Variants in PTPRG observed in about 807,000 individuals in gnomAD.
PTPRG encodes receptor-type tyrosine-protein phosphatase gamma.
Under a neutral mutation model 165.3 loss-of-function variants are expected in PTPRG, and 102 were observed. That is an observed-to-expected ratio of 0.62 (90% CI 0.53 to 0.73). PTPRG has a LOEUF of 0.73. Among genes scored for constraint, PTPRG ranks in the 30% least tolerant of loss-of-function variants. The probability of loss-of-function intolerance (pLI) is 0.00; values close to 1 mark genes in which losing one functional copy is unlikely to be tolerated. For missense variants in PTPRG, 1,866 were observed against 1,861.4 expected (o/e 1.00, Z -0.05); for synonymous variants, 675 against 669.5 (o/e 1.01, Z -0.13).
chr3:62,112,529 A>T (rs1702708556), intron 5 of PTPRG, among the ~76,000 whole-genome samples: 1 of 152,268 alleles, frequency 6.6e-6, no homozygotes, highest in African/African-American at 2.4e-5. Flanking sequence ...GATAAAGAGA[A>T]ATAATGAATG....
At chr3:61,762,587 G>C (rs541547171) in intron 2 of PTPRG, among the ~76,000 whole-genome samples, 1 of 152,262 alleles carries the variant, frequency 6.6e-6, no homozygotes, top group African/African-American at 2.4e-5. Context: ...CTCCAGCCTG[G>C]GCAGCAGAAC....
chr3:61,572,430 C>G (rs1202563633), intron 1 of PTPRG, among the ~76,000 whole-genome samples: 1 of 151,994 alleles, frequency 6.6e-6, no homozygotes, highest in Non-Finnish European at 1.5e-5. Context: ...CGTTCTGGAT[C>G]TTGTGTCTGG....
chr3:61,951,010 T>C (rs1326682081), intron 2 of PTPRG, among the ~76,000 whole-genome samples: 3 of 152,226 alleles, frequency 2.0e-5, no homozygotes, highest in Non-Finnish European at 4.4e-5. Context: ...TGTGGAATTT[T>C]CATTGCAGGA....
chr3:62,244,637 G>C (rs1701249986), intron 15 of PTPRG, among the ~76,000 whole-genome samples: 1 of 152,044 alleles, frequency 6.6e-6, no homozygotes, highest in Non-Finnish European at 1.5e-5. Context: ...TGATTATAAT[G>C]CCACCCCTCC....
rs1166824597 is a variant in PTPRG at position 62,210,577 on chromosome 3, C to G, written c.2155+6627C>G. On this transcript the variant is annotated intron_variant, in intron 12 of 29. Transcript: ENST00000474889. The surrounding 1 kb of genome is among the most constrained non-coding windows in gnomAD (Gnocchi z 4.1). ...TAGCAGTTCTACTTCTGGGTATACA[C>G]TTGACCCTTGAAAAACAGTCTTGAA... Among the ~76,000 whole-genome samples the G allele has an allele frequency of 6.6e-6, 1 of 152,146 alleles. No homozygotes were observed. The highest frequency in any genetic ancestry group is 2.4e-5 in the African/African-American group (1 of 41,426).
chr3:62,171,562 A>T (rs1290038467), intron 8 of PTPRG, among the ~76,000 whole-genome samples: 2 of 152,132 alleles, frequency 1.3e-5, no homozygotes, highest in South Asian at 4.1e-4. Context: ...GCCCATTTGC[A>T]GTCAGTTATT....
At chr3:61,589,788 G>T (rs1700522959) in intron 1 of PTPRG, among the ~76,000 whole-genome samples, 1 of 151,950 alleles carries the variant, frequency 6.6e-6, no homozygotes, top group Admixed American at 6.6e-5. Context: ...TGGGTGGATG[G>T]ATAGGTGGAT....
At chr3:61,935,691 CT>C (rs58158573) in intron 2 of PTPRG, among the ~76,000 whole-genome samples, 10,187 of 138,820 alleles carry the variant, frequency 0.073, 993 homozygotes, top group African/African-American at 0.23. Context: ...AGTCCCTTAC[CT>C]TTTTTTTTTT....
At chr3:62,079,551 T>A (rs772361748) in intron 5 of PTPRG, among the ~76,000 whole-genome samples, 1 of 152,218 alleles carries the variant, frequency 6.6e-6, no homozygotes, top group South Asian at 2.1e-4. Flanking sequence ...ACTGGGTGTA[T>A]GCTGGGTCAT....
intron 2 of PTPRG, among the ~76,000 whole-genome samples, chr3:61,901,195 G>A (rs1197432728): frequency 6.6e-6 from 1 of 152,030 alleles, no homozygotes; most frequent in Non-Finnish European, 1.5e-5. Context: ...TGTTTTGTTG[G>A]GTTTTCTCTT....
chr3:61,685,294 G>A (rs1267093489), intron 1 of PTPRG, among the ~76,000 whole-genome samples: 2 of 152,230 alleles, frequency 1.3e-5, no homozygotes, highest in African/African-American at 4.8e-5. Flanking sequence ...CCTTATCGTG[G>A]AGGGCAAGTT....
At chr3:61,950,470 A>G (rs1476075630) in intron 2 of PTPRG, among the ~76,000 whole-genome samples, 4 of 152,212 alleles carry the variant, frequency 2.6e-5, no homozygotes, top group African/African-American at 9.6e-5. Context: ...AAAACTATAA[A>G]TGGTAGGTTT....
At chr3:62,093,848 G>A (rs891831279) in intron 5 of PTPRG, among the ~76,000 whole-genome samples, 1 of 152,178 alleles carries the variant, frequency 6.6e-6, no homozygotes, top group African/African-American at 2.4e-5. Context: ...GAGGTAGCTG[G>A]GGGTAGAGAG....
intron 1 of PTPRG, among the ~76,000 whole-genome samples, chr3:61,572,308 G>A (rs748792088): frequency 6.6e-6 from 1 of 152,112 alleles, no homozygotes; most frequent in Non-Finnish European, 1.5e-5. Flanking sequence ...AAAAAATATG[G>A]AGATTTGCTC....
chr3:61,628,234 GT>G (rs1489442025), intron 1 of PTPRG, among the ~76,000 whole-genome samples: 18 of 152,018 alleles, frequency 1.2e-4, no homozygotes, highest in South Asian at 2.1e-4. Context: ...GAACATAAAT[GT>G]TTTCCCTCTT....
At chr3:61,780,996 T>G (rs1418806376) in intron 2 of PTPRG, among the ~76,000 whole-genome samples, 1 of 152,236 alleles carries the variant, frequency 6.6e-6, no homozygotes, top group African/African-American at 2.4e-5. Context: ...TTTTGGTAAT[T>G]ATGTAGCTCT....
chr3:61,985,775 G>A (rs1403861057), intron 2 of PTPRG, among the ~76,000 whole-genome samples: 1 of 152,170 alleles, frequency 6.6e-6, no homozygotes, highest in Non-Finnish European at 1.5e-5. Flanking sequence ...AATAAGAGCA[G>A]TTTAAAAATG....
At chr3:62,209,728 G>A (rs979828121) in intron 12 of PTPRG, among the ~76,000 whole-genome samples, 10 of 152,184 alleles carry the variant, frequency 6.6e-5, no homozygotes, top group African/African-American at 2.2e-4. Flanking sequence ...TCAGCTGCCA[G>A]TATGGTTTAG....
chr3:62,146,017 G>A (rs4440115), intron 6 of PTPRG, among the ~76,000 whole-genome samples: 56,980 of 152,074 alleles, frequency 0.37, 11,525 homozygotes, highest in African/African-American at 0.54. Context: ...TCAAAAGGAA[G>A]CTAAAAGAAT....
Sources: gnomAD v4.1 joint callset for allele counts (sites outside exome capture counted in the v4.1 genomes callset) on GRCh38, gnomAD v4.1.1 for gene constraint, Gnocchi (gnomAD v3.1) non-coding constraint, MANE v1.5 for transcripts, NCBI Gene and HGNC (gene_info 2026-07-23, HGNC 2026-07-21) for gene names.